The following TPST2 variants were observed in gnomAD, a reference collection of about 807,000 sequenced individuals.
TPST2 encodes tyrosylprotein sulfotransferase 2, also known as protein-tyrosine sulfotransferase 2.
TPST2 carries 16 observed loss-of-function variants against 27.8 expected under a neutral mutation model. The observed-to-expected ratio is 0.58, with a 90% CI of 0.39 to 0.88. The LOEUF is 0.88. Ranked by LOEUF, TPST2 falls within the 40% of genes least tolerant of loss-of-function variation. The pLI, the probability that TPST2 is intolerant of heterozygous loss-of-function variation, is 0.00. For missense variants in TPST2, 464 were observed against 543.1 expected (o/e 0.85, Z 1.45); for synonymous variants, 229 against 231.7 (o/e 0.99, Z 0.10).
intron 1 of TPST2, among the ~76,000 whole-genome samples, chr22:26,584,088 G>A (rs781444128): frequency 6.6e-6 from 1 of 152,226 alleles, no homozygotes; most frequent in Non-Finnish European, 1.5e-5. Context: ...TTTGAATGTT[G>A]ACTCAATTTT....
rs2147218445 is a variant in TPST2 at position 26,560,874 on chromosome 22, C to T, written c.-160-16199G>A. On this transcript the variant is annotated intron_variant, in intron 1 of 6. Coordinates refer to ENST00000338754, the MANE Select transcript of TPST2 (RefSeq NM_003595.5). ...GTATCGCCCAAAAATCAAAGGAGAA[C>T]ATCCTGGCCTGTCCATTGGTGATGT... 2.5e-6 allele frequency: 4 copies of T among 1,595,702 alleles called. No individual in the cohort carries two copies. The East Asian group carries it at 6.7e-5, about 27-fold the overall frequency.
chr22:26,528,785 C>A (rs112346454), intron 5 of TPST2, among the ~76,000 whole-genome samples: 1 of 151,946 alleles, frequency 6.6e-6, no homozygotes, highest in Admixed American at 6.6e-5. Context: ...GAGTTTGAGA[C>A]CAGCCTGGCC....
chr22:26,553,449 G>A (rs925734750), intron 1 of TPST2, among the ~76,000 whole-genome samples: 1 of 150,904 alleles, frequency 6.6e-6, no homozygotes, highest in Admixed American at 6.6e-5. Flanking sequence ...ACTGTTCACT[G>A]CAGCCTTGAA....
chr22:26,564,363 G>C (rs963799395), intron 1 of TPST2, among the ~76,000 whole-genome samples: 3 of 152,360 alleles, frequency 2.0e-5, no homozygotes, highest in East Asian at 3.9e-4. Flanking sequence ...ACATCTGTGA[G>C]CGCCACTGGC....
intron 1 of TPST2, among the ~76,000 whole-genome samples, chr22:26,569,991 AAAAGAAAGAAAG>A (rs770577530): frequency 2.5e-4 from 5 of 19,876 alleles, no homozygotes; most frequent in Non-Finnish European, 3.2e-4. Flanking sequence ...AAAAGAAAGA[AAAAGAAAGAAAG>A]AAAGAAAGAA....
At position 26,524,346 on chromosome 22, in the gene TPST2, G is replaced by GA. The variant is rs961035886; in HGVS notation, c.*1928dup. On this transcript the variant is annotated 3_prime_UTR_variant, in exon 7 of 7. Transcript: ENST00000338754. ...AGCATAGAAAGACCTCGTCTCTACA[G>GA]AAAAAAAAAAATTTAAAAAGTAGCC... is the stretch of plus-strand genomic sequence containing the variant. 1.4e-4 allele frequency: 21 copies of GA among 148,994 alleles called. No homozygotes were observed. Among genetic ancestry groups the GA allele is most frequent in the South Asian group, 4.2e-4 (2 of 4,716 alleles). 9.2% of individuals were successfully genotyped at this position (148,994 alleles called of 1,614,324 possible). A position where few individuals can be genotyped will look rare whatever the true frequency, so the allele number is the denominator to read the frequency against.
rs1164596869 is a variant in TPST2, at chr22:26,530,524, T to C, written c.1092+2171A>G. On this transcript the variant is annotated intron_variant, in intron 5 of 6. Coordinates refer to ENST00000338754, the MANE Select transcript of TPST2 (RefSeq NM_003595.5). ...CTCTACTGAATCATTCCCTTAGAAT[T>C]CACTTCTAAAAAATGGAATCATGCT... is the stretch of plus-strand genomic sequence containing the variant. Among the ~76,000 whole-genome samples the C allele has an allele frequency of 2.0e-5, 3 of 151,408 alleles. No individual in the cohort carries two copies. The East Asian group carries it at 5.8e-4, about 29-fold the overall frequency.
At chr22:26,532,648 T>C (rs1423403628) in intron 5 of TPST2, 47 bp downstream of exon 5, 1 of 1,587,542 alleles carries the variant, frequency 6.3e-7, no homozygotes, top group Non-Finnish European at 8.6e-7. Flanking sequence ...CAGATGGTGG[T>C]ATAGCTGAGA....
At chr22:26,572,774 G>T (rs1195237341) in intron 1 of TPST2, among the ~76,000 whole-genome samples, 1 of 151,816 alleles carries the variant, frequency 6.6e-6, no homozygotes, top group Non-Finnish European at 1.5e-5. Context: ...AGTCTGGTGG[G>T]TTTTTTTTCT....
At chr22:26,584,272 G>A (rs1247582029) in intron 1 of TPST2, among the ~76,000 whole-genome samples, 1 of 152,178 alleles carries the variant, frequency 6.6e-6, no homozygotes, top group Non-Finnish European at 1.5e-5. Flanking sequence ...CTGTGCATGA[G>A]AGTGTGGGAG....
intron 1 of TPST2, among the ~76,000 whole-genome samples, chr22:26,549,363 A>C (rs1310278137): frequency 2.0e-5 from 3 of 152,190 alleles, no homozygotes; most frequent in African/African-American, 7.2e-5. Flanking sequence ...TGCGGCTCAT[A>C]AAACAGGGGC....
chr22:26,589,643 C>G (rs1203582763), intron 1 of TPST2, among the ~76,000 whole-genome samples: 3 of 152,206 alleles, frequency 2.0e-5, no homozygotes, highest in East Asian at 1.9e-4. Context: ...TTAACTTCCA[C>G]GCGCCCTGGC....
chr22:26,549,660 A>C (rs1490446211), intron 1 of TPST2, among the ~76,000 whole-genome samples: 10 of 148,052 alleles, frequency 6.8e-5, no homozygotes, highest in African/African-American at 2.5e-4. Flanking sequence ...CCGTCTCAAA[A>C]AAAAAAAAAA....
At chr22:26,576,806 A>G (rs1232792776) in intron 1 of TPST2, among the ~76,000 whole-genome samples, 1 of 150,522 alleles carries the variant, frequency 6.6e-6, no homozygotes, top group East Asian at 2.0e-4. Flanking sequence ...CCCTGTCTCT[A>G]AAAAAAAAGG....
At chr22:26,545,534 A>G (rs1307508024) in intron 1 of TPST2, among the ~76,000 whole-genome samples, 4 of 152,164 alleles carry the variant, frequency 2.6e-5, no homozygotes, top group African/African-American at 4.8e-5. Flanking sequence ...TTTTAGTCCA[A>G]TTCAAACCTT....
intron 3 of TPST2, 80 bp from the exon 4 acceptor site, chr22:26,536,566 G>T: frequency 1.5e-6 from 2 of 1,314,332 alleles, no homozygotes; most frequent in South Asian, 2.0e-5. Context: ...GCCACTCTGG[G>T]GCAGCAGGAA....
intron 1 of TPST2, among the ~76,000 whole-genome samples, chr22:26,577,132 G>C (rs1462311464): frequency 6.8e-6 from 1 of 147,972 alleles, no homozygotes; most frequent in Non-Finnish European, 1.5e-5. Context: ...AATTAGCCAA[G>C]CGTGGTGGTG....
In TPST2 at chr22:26,532,714, T is replaced by C; in HGVS notation, c.1073A>G (p.Asn358Ser). ...VLKGDYKTPA[N>S]LKGYFQVNQN... ...TCTAACCTGAAAATATCCTTTCAGA[T>C]TGGCTGGTGTTTTATAGTCCCCTTT... Residue 358 changes from asparagine (N) to serine (S), a missense_variant, in exon 5 of 7, where the codon AAT becomes AGT. By Grantham distance (46) the Asn-to-Ser change is conservative. Transcript: ENST00000338754. 2 of 1,614,066 alleles carry C rather than the reference T, an allele frequency of 1.2e-6. No homozygotes were observed. The highest frequency in any genetic ancestry group is 1.7e-6 in the Non-Finnish European group (2 of 1,179,946).
chr22:26,572,200 C>T (rs1411544835), intron 1 of TPST2, among the ~76,000 whole-genome samples: 2 of 152,186 alleles, frequency 1.3e-5, no homozygotes, highest in East Asian at 1.9e-4. Flanking sequence ...CATTCCCAGA[C>T]TGCAGTGTTG....
Sources: gnomAD v4.1 joint callset for allele counts (sites outside exome capture counted in the v4.1 genomes callset) on GRCh38, gnomAD v4.1.1 for gene constraint, MANE v1.5 for transcripts, NCBI Gene and HGNC (gene_info 2026-07-23, HGNC 2026-07-21) for gene names.